Variants in FAM228B observed in about 807,000 individuals in gnomAD.
FAM228B encodes protein FAM228B.
Under a neutral mutation model 42.6 loss-of-function variants are expected in FAM228B, and 38 were observed. The observed-to-expected ratio is 0.89, with a 90% confidence interval of 0.69 to 1.17. The LOEUF is 1.17. FAM228B is among the 50% of genes most tolerant of loss of function. The pLI, the probability that FAM228B is intolerant of heterozygous loss-of-function variation, is 0.00. For missense variants in FAM228B, 344 were observed against 367.3 expected, an observed-to-expected ratio of 0.94 and a Z score of 0.52; for synonymous variants, 109 against 122.3, an observed-to-expected ratio of 0.89 and a Z score of 0.72.
At chr2:24,110,590 T>G (rs1665774725) in intron 3 of FAM228B, among the ~76,000 whole-genome samples, 1 of 152,196 alleles carries the variant, frequency 6.6e-6, no homozygotes, top group Non-Finnish European at 1.5e-5. Context: ...CACCTCCATG[T>G]GCTGGGAGGC....
chr2:24,106,609 C>T (rs1665704229), intron 3 of FAM228B, among the ~76,000 whole-genome samples: 1 of 152,104 alleles, frequency 6.6e-6, no homozygotes, highest in Non-Finnish European at 1.5e-5. Context: ...TATGAGCCAC[C>T]TTACCTGGCC....
In FAM228B at chr2:24,084,380, GCAGGACAGGA is replaced by G. The variant is rs201306834; in HGVS notation, c.-210+3430_-210+3439del. 3.5e-6 allele frequency: 4 copies of G among 1,158,270 alleles called. No individual in the cohort carries two copies. The highest frequency in any genetic ancestry group is 4.8e-6 in the Non-Finnish European group (4 of 831,696). 71.7% of individuals were successfully genotyped at this position (1,158,270 alleles called of 1,614,324 possible). On this transcript the variant is annotated intron_variant, in intron 2 of 10. Transcript: ENST00000613899. This position sits in a 1 kb window ranked among gnomAD's most constrained non-coding sequence, Gnocchi z 8.4. ...GCAGGACAGGACAGGGCAGGGCAGG[GCAGGACAGGA>G]CAGGGCAGGGCAGGACAGGACAGGG...
chr2:24,155,820 G>A (rs1056947563), intron 7 of FAM228B, among the ~76,000 whole-genome samples: 9 of 152,136 alleles, frequency 5.9e-5, no homozygotes, highest in East Asian at 5.8e-4. Context: ...GATTACAGGC[G>A]TGAGCCACTG....
chr2:24,124,527 G>A, intron 2 of FAM228B, 67 bp downstream of exon 2: 9 of 885,862 alleles, frequency 1.0e-5, no homozygotes, highest in African/African-American at 1.7e-5. Context: ...GAAGTGGCTT[G>A]TGCTAAATAT....
chr2:24,164,747 ATAGG>A (rs1667364000), intron 9 of FAM228B, among the ~76,000 whole-genome samples: 1 of 152,184 alleles, frequency 6.6e-6, no homozygotes, highest in Non-Finnish European at 1.5e-5. Context: ...GGCAGTCAAG[ATAGG>A]TAGAAAATTT....
At chr2:24,143,390 T>C (rs1214985795) in intron 5 of FAM228B, among the ~76,000 whole-genome samples, 1 of 152,156 alleles carries the variant, frequency 6.6e-6, no homozygotes, top group Non-Finnish European at 1.5e-5. Context: ...GAGATGGGGT[T>C]TCATCGTGTT....
chr2:24,095,014 TGA>T lies in FAM228B; in HGVS notation c.-209-126_-209-125del, dbSNP rs1268013777. ...CCAAGGGTGAGGCAGGAGAATCACTTGAACCTGGGATGCAGAGGTTGCAGTCA... is the reference window on the plus strand; with the variant it reads ...CCAAGGGTGAGGCAGGAGAATCACTTACCTGGGATGCAGAGGTTGCAGTCA... On this transcript the variant is annotated intron_variant, in intron 2 of 10. Coordinates refer to the FAM228B transcript ENST00000613899. The surrounding 1 kb of genome is among the most constrained non-coding windows in gnomAD (Gnocchi z 4.8). 6.6e-6 allele frequency: 1 copy of T among 152,238 alleles called. No individual in the cohort carries two copies. The highest frequency in any genetic ancestry group is 1.5e-5 in the Non-Finnish European group (1 of 68,090). 9.4% of individuals were successfully genotyped at this position (152,238 alleles called of 1,614,324 possible). A position where few individuals can be genotyped will look rare whatever the true frequency, so the allele number is the denominator to read the frequency against.
At chr2:24,123,098 T>A (rs1183099584), upstream of FAM228B, 1 of 152,344 alleles carries the variant, frequency 6.6e-6, no homozygotes, top group Non-Finnish European at 1.5e-5. Context: ...CCCCAAGCCT[T>A]GGACCCCCCT....
chr2:24,126,102 G>T (rs1041309351), intron 2 of FAM228B, among the ~76,000 whole-genome samples: 5 of 152,148 alleles, frequency 3.3e-5, no homozygotes, highest in African/African-American at 1.2e-4. Flanking sequence ...CCAGTTTGGG[G>T]CTATTACAAA....
intron 5 of FAM228B, among the ~76,000 whole-genome samples, chr2:24,142,245 G>A (rs1308098712): frequency 6.6e-6 from 1 of 152,120 alleles, no homozygotes; most frequent in Non-Finnish European, 1.5e-5. Flanking sequence ...TACAGAAAAG[G>A]TTCATCTTGC....
chr2:24,159,190 A>C (rs1208553179), intron 7 of FAM228B, among the ~76,000 whole-genome samples: 1 of 152,214 alleles, frequency 6.6e-6, no homozygotes, highest in East Asian at 1.9e-4. Flanking sequence ...CCCTATTTCC[A>C]AATAAGGTCA....
intron 3 of FAM228B, among the ~76,000 whole-genome samples, chr2:24,112,514 C>G (rs980485343): frequency 1.3e-5 from 2 of 152,024 alleles, no homozygotes; most frequent in African/African-American, 2.4e-5. Flanking sequence ...GTTGGCCAGT[C>G]TGGTCTCAAA....
chr2:24,098,741 C>T (rs1665550563), intron 3 of FAM228B, among the ~76,000 whole-genome samples: 1 of 152,178 alleles, frequency 6.6e-6, no homozygotes, highest in African/African-American at 2.4e-5. Context: ...GAAACTATTC[C>T]AATCAATAGA....
Position 24,169,286 on chromosome 2 carries a change from C to T in FAM228B, c.*15-70C>T, listed in dbSNP as rs991805005. On this transcript the variant is annotated intron_variant, in intron 10 of 10. Transcript: ENST00000615575. This position sits in a 1 kb window ranked among gnomAD's most constrained non-coding sequence, Gnocchi z 4.2. ...GGATCAGCTCAGCTTAGCTGGGGAA[C>T]GCTTTCTGCTCTCGTAAGCCCCTCA... 7 of 426,192 alleles carry T rather than the reference C, an allele frequency of 1.6e-5. No homozygotes were observed. The highest frequency in any genetic ancestry group is 4.0e-5 in the African/African-American group (2 of 49,526). The allele number at this position is 426,192 out of a possible 1,614,324, so 26.4% of individuals were successfully genotyped here. A position where few individuals can be genotyped will look rare whatever the true frequency, so the allele number is the denominator to read the frequency against.
At chr2:24,100,295 G>T (rs560455677) in intron 3 of FAM228B, among the ~76,000 whole-genome samples, 1 of 152,314 alleles carries the variant, frequency 6.6e-6, no homozygotes, top group East Asian at 1.9e-4. Flanking sequence ...AAGAGCTTCT[G>T]CATGGCAAAA....
upstream of FAM228B, among the ~76,000 whole-genome samples, chr2:24,121,976 A>G (rs931668194): frequency 2.6e-5 from 4 of 152,204 alleles, no homozygotes; most frequent in African/African-American, 9.7e-5. Flanking sequence ...ATCAACAGTA[A>G]AAAGACTAAG....
intron 2 of FAM228B, among the ~76,000 whole-genome samples, chr2:24,128,007 T>C (rs914604707): frequency 6.6e-6 from 1 of 152,128 alleles, no homozygotes; most frequent in Non-Finnish European, 1.5e-5. Context: ...TTTTGGGAAA[T>C]ACAACTGTAT....
At chr2:24,090,644 T>G (rs980642594) in intron 2 of FAM228B, among the ~76,000 whole-genome samples, 9 of 150,534 alleles carry the variant, frequency 6.0e-5, no homozygotes, top group African/African-American at 2.2e-4. Flanking sequence ...TATTGGGAAG[T>G]CTATCAATAC....
At chr2:24,148,933 A>T (rs1389339431) in intron 7 of FAM228B, among the ~76,000 whole-genome samples, 3 of 151,982 alleles carry the variant, frequency 2.0e-5, no homozygotes, top group Admixed American at 2.0e-4. Flanking sequence ...CATGAGTTCG[A>T]TTGTTTTGAT....
Sources: gnomAD v4.1 joint callset for allele counts (sites outside exome capture counted in the v4.1 genomes callset) on GRCh38, gnomAD v4.1.1 for gene constraint, Gnocchi (gnomAD v3.1) non-coding constraint, MANE v1.5 for transcripts, NCBI Gene and HGNC (gene_info 2026-07-23, HGNC 2026-07-21) for gene names.